The following KSR2 variants were observed in gnomAD, a reference collection of about 807,000 sequenced individuals.
KSR2 encodes kinase suppressor of ras 2.
Under a neutral mutation model 107.8 loss-of-function variants are expected in KSR2, and 25 were observed. The observed-to-expected ratio is 0.23, with a 90% CI of 0.17 to 0.32. The LOEUF (loss-of-function observed/expected upper bound fraction) is 0.32. Ranked by LOEUF, KSR2 falls within the 10% of genes least tolerant of loss-of-function variation. The pLI is 1.00. For synonymous variants in KSR2, 480 were observed against 507.0 expected (o/e 0.95, Z 0.71); for missense variants, 887 against 1,268.9 (o/e 0.70, Z 4.57).
chr12:117,596,713 C>T (rs1593033355), intron 5 of KSR2, among the ~76,000 whole-genome samples: 1 of 152,052 alleles, frequency 6.6e-6, no homozygotes, highest in East Asian at 1.9e-4. Flanking sequence ...TAGACAATGC[C>T]CCACTGGGTT....
chr12:117,721,089 C>A (rs1292846600), intron 4 of KSR2, among the ~76,000 whole-genome samples: 1 of 152,118 alleles, frequency 6.6e-6, no homozygotes, highest in South Asian at 2.1e-4. Context: ...TTTCCTACTT[C>A]CAGGAAAATT....
At chr12:117,689,755 T>C (rs993670257) in intron 4 of KSR2, among the ~76,000 whole-genome samples, 12 of 151,992 alleles carry the variant, frequency 7.9e-5, no homozygotes, top group Non-Finnish European at 1.5e-4. Context: ...TATGTATACA[T>C]GCATTTATAT....
chr12:117,769,824 C>T (rs764039508), intron 3 of KSR2, among the ~76,000 whole-genome samples: 4 of 152,152 alleles, frequency 2.6e-5, no homozygotes, highest in African/African-American at 4.8e-5. Context: ...GAGGCCGAGG[C>T]GGGTGGATCA....
rs114388603 is a variant in KSR2 at position 117,706,621 on chromosome 12, C to T, written c.987-38963G>A. 8.2e-4 allele frequency among the ~76,000 whole-genome samples: 125 copies of T among 152,166 alleles called. 1 individual carries two copies. Among genetic ancestry groups the T allele is most frequent in the African/African-American group, 2.8e-3 (117 of 41,520 alleles). On this transcript the variant is annotated intron_variant, in intron 4 of 19. Transcript: ENST00000339824. ...GAAGTGGGGATTCACTGCAAACAGA[C>T]ATGAGAGATCTTTTCAGGGTGACAG...
intron 1 of KSR2, among the ~76,000 whole-genome samples, chr12:117,886,893 T>C (rs866010455): frequency 6.6e-6 from 1 of 152,160 alleles, no homozygotes; most frequent in South Asian, 2.1e-4. Context: ...TCTTCCCCTA[T>C]GAAAGACAGA....
chr12:117,796,916 T>A (rs1890651969), intron 3 of KSR2, among the ~76,000 whole-genome samples: 1 of 152,090 alleles, frequency 6.6e-6, no homozygotes, highest in Non-Finnish European at 1.5e-5. Context: ...GTTTCTTAAT[T>A]CCCCTGATCA....
At chr12:117,518,506 G>A (rs900304187) in intron 14 of KSR2, among the ~76,000 whole-genome samples, 3 of 152,146 alleles carry the variant, frequency 2.0e-5, no homozygotes, top group African/African-American at 7.2e-5. Flanking sequence ...TTGGCGCTGG[G>A]TTTCCTTGAT....
chr12:117,882,489 C>T (rs983290738), intron 1 of KSR2, among the ~76,000 whole-genome samples: 3 of 152,156 alleles, frequency 2.0e-5, no homozygotes, highest in Admixed American at 2.0e-4. Context: ...TGAGAACTAA[C>T]CATTCTTCCA....
rs148910860 is a variant in KSR2, at chr12:117,737,002, G to A, written c.986+24009C>T. The stretch of plus-strand genomic sequence containing the variant: ...GAAGAAACACAGGGAAAACCGCATG[G>A]CTCCCAGCCTGTTATCCAACGACAC... On this transcript the variant is annotated intron_variant, in intron 4 of 19. Transcript: ENST00000339824. 3.0e-3 allele frequency among the ~76,000 whole-genome samples: 460 copies of A among 152,214 alleles called. 5 individuals carry two copies. Among genetic ancestry groups the A allele is most frequent in the African/African-American group, 0.01 (429 of 41,522 alleles).
intron 1 of KSR2, among the ~76,000 whole-genome samples, chr12:117,872,825 A>T (rs1893694617): frequency 6.6e-6 from 1 of 152,102 alleles, no homozygotes; most frequent in African/African-American, 2.4e-5. Context: ...AGCACCCTCA[A>T]CAATCAGTCC....
At chr12:117,675,026 C>T (rs997978710) in intron 4 of KSR2, among the ~76,000 whole-genome samples, 1 of 152,172 alleles carries the variant, frequency 6.6e-6, no homozygotes, top group South Asian at 2.1e-4. Context: ...TTAGTGGTAT[C>T]ATACTCATCA....
intron 4 of KSR2, among the ~76,000 whole-genome samples, chr12:117,687,565 C>T (rs1052028903): frequency 1.3e-5 from 2 of 152,164 alleles, no homozygotes; most frequent in African/African-American, 4.8e-5. Flanking sequence ...ATTATTCCTG[C>T]TCAGCCGGAC....
chr12:117,782,300 G>C (rs773940263), intron 3 of KSR2, among the ~76,000 whole-genome samples: 1 of 152,190 alleles, frequency 6.6e-6, no homozygotes, highest in Non-Finnish European at 1.5e-5. Context: ...GTCTCACTCT[G>C]TTGCCCAGGC....
intron 14 of KSR2, among the ~76,000 whole-genome samples, chr12:117,509,295 G>C (rs889466177): frequency 3.3e-5 from 5 of 152,106 alleles, no homozygotes; most frequent in Admixed American, 6.5e-5. Context: ...TTTGCATTCA[G>C]CACCTGATGG....
At chr12:117,511,139 C>T (rs889285676) in intron 14 of KSR2, among the ~76,000 whole-genome samples, 2 of 152,202 alleles carry the variant, frequency 1.3e-5, no homozygotes, top group African/African-American at 4.8e-5. Flanking sequence ...AGTTCAATTA[C>T]TCAAGACCCA....
intron 14 of KSR2, among the ~76,000 whole-genome samples, chr12:117,505,159 G>A (rs987116180): frequency 6.6e-5 from 10 of 152,058 alleles, no homozygotes; most frequent in Non-Finnish European, 1.2e-4. Context: ...TTGGTCAATG[G>A]ACACTTAGGT....
chr12:117,462,620 T>A lies in KSR2; in HGVS notation c.*4579A>T, dbSNP rs953431916. 6.6e-6 allele frequency: 1 copy of A among 152,246 alleles called. No homozygotes were observed. The highest frequency in any genetic ancestry group is 1.5e-5 in the Non-Finnish European group (1 of 68,094). The allele number at this position is 152,246 out of a possible 1,614,324, so 9.4% of individuals were successfully genotyped here. ...CCAGATGGGTGAGAGATGATACATC[T>A]GTTGTTGTAGGCCCCAGTGGGTGGT... is the stretch of plus-strand genomic sequence containing the variant. On this transcript the variant is annotated 3_prime_UTR_variant, in exon 20 of 20. Coordinates refer to ENST00000339824, the MANE Select transcript of KSR2 (RefSeq NM_173598.6).
chr12:117,539,934 G>A, intron 9 of KSR2, 47 bp from the exon 10 acceptor site: 1 of 1,523,386 alleles, frequency 6.6e-7, no homozygotes, highest in Non-Finnish European at 8.9e-7. Context: ...CAGGGAAGCA[G>A]AAACACAGCA....
intron 5 of KSR2, among the ~76,000 whole-genome samples, chr12:117,599,542 T>G (rs1880822614): frequency 6.6e-6 from 1 of 152,152 alleles, no homozygotes; most frequent in Non-Finnish European, 1.5e-5. Flanking sequence ...TGTTGACATT[T>G]GGGGCTACTC....
Sources: gnomAD v4.1 joint callset for allele counts (sites outside exome capture counted in the v4.1 genomes callset) on GRCh38, gnomAD v4.1.1 for gene constraint, MANE v1.5 for transcripts, NCBI Gene and HGNC (gene_info 2026-07-23, HGNC 2026-07-21) for gene names.